NFATC3: variants seen among roughly 807,000 people sequenced by gnomAD.
The protein encoded by NFATC3 is nuclear factor of activated T-cells, cytoplasmic 3.
A neutral mutation model predicts 98.6 loss-of-function variants in NFATC3; 46 were observed. The observed-to-expected ratio is 0.47, with a 90% CI of 0.37 to 0.60. NFATC3 has a LOEUF of 0.60. Ranked by LOEUF, NFATC3 falls within the 20% of genes least tolerant of loss-of-function variation. The pLI is 0.00. For missense variants in NFATC3, 1,256 were observed against 1,295.5 expected, an observed-to-expected ratio of 0.97 and a Z score of 0.47; for synonymous variants, 512 against 472.2, an observed-to-expected ratio of 1.08 and a Z score of -1.09.
intron 1 of NFATC3, among the ~76,000 whole-genome samples, chr16:68,108,453 A>G (rs1461905423): frequency 1.3e-5 from 2 of 152,170 alleles, no homozygotes; most frequent in East Asian, 3.8e-4. Context: ...TTTTTGTACC[A>G]GTACCATGCT....
Position 68,142,139 on chromosome 16 carries a change from T to C in NFATC3, c.1401+15529T>C, listed in dbSNP as rs534240714. Among the ~76,000 whole-genome samples the C allele has an allele frequency of 1.8e-4, 27 of 152,312 alleles. No homozygotes were observed. In the East Asian group the frequency reaches 5.2e-3, roughly 29 times the overall value. On this transcript the variant is annotated intron_variant, in intron 3 of 9. Transcript: ENST00000346183. ...TAAGTAGTTGGCTTTTTTCCTAGGT[T>C]GTCTACTCTGTTCTATTAATCTTTG...
chr16:68,096,313 C>CAGCTAG (rs2035017686), intron 1 of NFATC3, among the ~76,000 whole-genome samples: 1 of 152,050 alleles, frequency 6.6e-6, no homozygotes, highest in African/African-American at 2.4e-5. Context: ...GAAGGCTCAT[C>CAGCTAG]TGAAAGAAAC....
intron 4 of NFATC3, among the ~76,000 whole-genome samples, chr16:68,162,015 A>G (rs2038916258): frequency 6.6e-6 from 1 of 152,148 alleles, no homozygotes; most frequent in Non-Finnish European, 1.5e-5. Context: ...TCTAGCATGT[A>G]CTGTGTATTT....
intron 3 of NFATC3, among the ~76,000 whole-genome samples, chr16:68,132,079 A>G (rs2037142141): frequency 1.3e-5 from 2 of 152,172 alleles, no homozygotes; most frequent in Admixed American, 6.5e-5. Flanking sequence ...TGTACTGCTT[A>G]TTTTTCTCTC....
At chr16:68,094,816 G>T (rs1179569953) in intron 1 of NFATC3, among the ~76,000 whole-genome samples, 2 of 152,164 alleles carry the variant, frequency 1.3e-5, no homozygotes, top group African/African-American at 2.4e-5. Context: ...CATTTGGATT[G>T]ATATTTGCTG....
rs200068848 is a variant in NFATC3 at position 68,157,879 on chromosome 16, A to G, written c.1412A>G (p.Tyr471Cys). ...GGHPVVKLLG[Y>C]NEKPINLQMF... Reference sequence around the variant, plus strand: ...CTTTTTCCTGATTAGCTCCTGGGCTATAACGAAAAGCCAATAAATCTACAA... The same window carrying G: ...CTTTTTCCTGATTAGCTCCTGGGCTGTAACGAAAAGCCAATAAATCTACAA... The change falls in exon 4 of 10, where the codon TAT (tyrosine) becomes TGT (cysteine). Residue 471 changes from tyrosine to cysteine, a missense_variant. Physicochemically the swap from Tyr to Cys is radical, Grantham distance 194. Coordinates refer to ENST00000346183, the MANE Select transcript of NFATC3 (RefSeq NM_173165.3). 12 of 1,612,884 alleles carry G rather than the reference A, an allele frequency of 7.4e-6. No homozygotes were observed. Among genetic ancestry groups the G allele is most frequent in the African/African-American group, 4.0e-5 (3 of 74,922 alleles).
In NFATC3 at chr16:68,198,396, C is replaced by A. The variant is rs60705056; in HGVS notation, c.3106+6621C>A. On this transcript the variant is annotated intron_variant, in intron 9 of 9. Coordinates refer to ENST00000346183, the MANE Select transcript of NFATC3 (RefSeq NM_173165.3). ...ATGGATAAAACATCTGAATTTTACA[C>A]AGAGCCTAAGGTGTTCATCCAGGAT... Among the ~76,000 whole-genome samples the A allele has an allele frequency of 3.9e-3, 595 of 152,256 alleles. 6 individuals carry two copies. The highest frequency in any genetic ancestry group is 0.014 in the African/African-American group (582 of 41,560).
chr16:68,095,564 C>T (rs1033530140), intron 1 of NFATC3, among the ~76,000 whole-genome samples: 12 of 151,878 alleles, frequency 7.9e-5, no homozygotes, highest in South Asian at 4.2e-4. Context: ...ATGTTGGACA[C>T]GCTGGTCTTG....
In NFATC3 at chr16:68,085,440, C is replaced by G. The variant is rs1286848467; in HGVS notation, c.-242C>G. On this transcript the variant is annotated 5_prime_UTR_variant, in exon 1 of 10. Transcript: ENST00000346183. ...GGGGCGGCGGGGAACATTGGCTAAGCCGACAGTGGAGGCTTAGGCACCGGT... is the reference window on the plus strand; with the variant it reads ...GGGGCGGCGGGGAACATTGGCTAAGGCGACAGTGGAGGCTTAGGCACCGGT... The G allele has an allele frequency of 2.7e-6, 1 of 366,050 alleles. No homozygotes were observed. The highest frequency in any genetic ancestry group is 4.9e-5 in the South Asian group (1 of 20,214). The allele number at this position is 366,050 out of a possible 1,614,324, so 22.7% of individuals were successfully genotyped here. A position where few individuals can be genotyped will look rare whatever the true frequency, so the allele number is the denominator to read the frequency against.
intron 9 of NFATC3, among the ~76,000 whole-genome samples, chr16:68,211,425 A>G (rs1399292248): frequency 3.3e-5 from 5 of 150,572 alleles, no homozygotes; most frequent in Admixed American, 2.7e-4. Context: ...TGACCTTGTG[A>G]TCCTCCCGCC....
At chr16:68,105,378 G>A (rs1276592006) in intron 1 of NFATC3, among the ~76,000 whole-genome samples, 14 of 151,976 alleles carry the variant, frequency 9.2e-5, no homozygotes, top group Admixed American at 9.2e-4. Flanking sequence ...CAGTACACCC[G>A]GCCCCTGATT....
intron 1 of NFATC3, among the ~76,000 whole-genome samples, chr16:68,102,698 G>A (rs78510593): frequency 6.6e-6 from 1 of 152,176 alleles, no homozygotes; most frequent in Non-Finnish European, 1.5e-5. Context: ...TCATCAAGCA[G>A]TACCTGACTA....
intron 2 of NFATC3, among the ~76,000 whole-genome samples, chr16:68,125,045 T>G (rs1159479628): frequency 2.0e-5 from 3 of 152,212 alleles, no homozygotes; most frequent in African/African-American, 7.2e-5. Flanking sequence ...CTTTTTTCAT[T>G]AGTGTGAATC....
intron 3 of NFATC3, among the ~76,000 whole-genome samples, chr16:68,141,365 T>G (rs924517990): frequency 6.6e-5 from 10 of 152,214 alleles, no homozygotes; most frequent in Non-Finnish European, 1.3e-4. Flanking sequence ...TACTTTTAGT[T>G]TTTTGAGAAA....
intron 9 of NFATC3, chr16:68,209,630 T>G: frequency 2.5e-6 from 1 of 397,182 alleles, no homozygotes; most frequent in South Asian, 2.0e-5. Flanking sequence ...GATGAGCCTA[T>G]GTCAAGTTCA....
chr16:68,095,867 G>T (rs559054273), intron 1 of NFATC3, among the ~76,000 whole-genome samples: 1 of 152,186 alleles, frequency 6.6e-6, no homozygotes, highest in African/African-American at 2.4e-5. Flanking sequence ...ATTCATTTTT[G>T]TTGTGTGGTT....
intron 8 of NFATC3, among the ~76,000 whole-genome samples, chr16:68,186,275 G>A (rs1598537344): frequency 6.6e-6 from 1 of 151,680 alleles, no homozygotes; most frequent in Non-Finnish European, 1.5e-5. Context: ...TCTTGGCCAG[G>A]CGCTGTAGCT....
At chr16:68,142,336 A>G (rs934412735) in intron 3 of NFATC3, among the ~76,000 whole-genome samples, 3 of 151,994 alleles carry the variant, frequency 2.0e-5, no homozygotes, top group Admixed American at 2.0e-4. Flanking sequence ...CTTTTGTTGT[A>G]GCTATTGTAA....
chr16:68,157,439 G>C (rs1183513000), intron 3 of NFATC3, among the ~76,000 whole-genome samples: 2 of 152,010 alleles, frequency 1.3e-5, no homozygotes, highest in Non-Finnish European at 2.9e-5. Context: ...ATGGAATAGG[G>C]GTTTTCAGAC....
Sources: gnomAD v4.1 joint callset for allele counts (sites outside exome capture counted in the v4.1 genomes callset) on GRCh38, gnomAD v4.1.1 for gene constraint, MANE v1.5 for transcripts, NCBI Gene and HGNC (gene_info 2026-07-23, HGNC 2026-07-21) for gene names.